The following FRAS1 variants were observed in gnomAD, a reference collection of about 807,000 sequenced individuals.
FRAS1 encodes Fraser extracellular matrix complex subunit 1.
A neutral mutation model predicts 435.2 loss-of-function variants in FRAS1; 290 were observed. The observed-to-expected ratio is 0.67, with a 90% CI of 0.61 to 0.73. The LOEUF (loss-of-function observed/expected upper bound fraction) is 0.73, where lower values mean the gene tolerates loss of function less well. Among genes scored for constraint, FRAS1 ranks in the 30% least tolerant of loss-of-function variants. The pLI is 0.00. For synonymous variants in FRAS1, 1,800 were observed against 1,851.0 expected, an observed-to-expected ratio of 0.97 and a Z score of 0.71; for missense variants, 4,860 against 5,001.5, an observed-to-expected ratio of 0.97 and a Z score of 0.85.
intron 14 of FRAS1, among the ~76,000 whole-genome samples, chr4:78,307,760 T>C (rs10434011): frequency 0.31 from 46,943 of 152,110 alleles, 7,538 homozygotes; most frequent in East Asian, 0.38. Flanking sequence ...CTGTCTGGCA[T>C]TCCTTAGTGA....
intron 2 of FRAS1, among the ~76,000 whole-genome samples, chr4:78,217,060 C>G (rs1468508436): frequency 6.7e-6 from 1 of 148,936 alleles, no homozygotes; most frequent in Non-Finnish European, 1.5e-5. Flanking sequence ...GAAACAGAAC[C>G]AATAAAAGAT....
intron 18 of FRAS1, among the ~76,000 whole-genome samples, chr4:78,322,344 A>G (rs1387818869): frequency 6.6e-6 from 1 of 152,192 alleles, no homozygotes; most frequent in Non-Finnish European, 1.5e-5. Flanking sequence ...GCCTCTCTGC[A>G]GAATGTTAAA....
intron 2 of FRAS1, among the ~76,000 whole-genome samples, chr4:78,108,786 C>G (rs1301902704): frequency 1.8e-5 from 2 of 113,022 alleles, no homozygotes; most frequent in African/African-American, 3.7e-5. Flanking sequence ...ACAAAAAACC[C>G]TTCAAAAAAT....
chr4:78,061,547 AT>A (rs1301266357), intron 1 of FRAS1, among the ~76,000 whole-genome samples: 1 of 152,148 alleles, frequency 6.6e-6, no homozygotes, highest in East Asian at 1.9e-4. Flanking sequence ...TATAAATGCT[AT>A]TTAACAGGTT....
chr4:78,253,281 C>T (rs1440841943), intron 5 of FRAS1, among the ~76,000 whole-genome samples: 3 of 152,178 alleles, frequency 2.0e-5, no homozygotes, highest in Non-Finnish European at 4.4e-5. Context: ...CCCTTATTCC[C>T]TGATTATCTT....
At chr4:78,140,030 T>C (rs1720092264) in intron 2 of FRAS1, among the ~76,000 whole-genome samples, 1 of 152,192 alleles carries the variant, frequency 6.6e-6, no homozygotes. Flanking sequence ...CTTTTTATTA[T>C]GGGAAATTTC....
intron 2 of FRAS1, among the ~76,000 whole-genome samples, chr4:78,204,191 G>A (rs181126420): frequency 6.6e-6 from 1 of 152,316 alleles, no homozygotes; most frequent in East Asian, 1.9e-4. Flanking sequence ...AAAATGTTGT[G>A]ATCAGAGGCT....
At chr4:78,468,897 G>A (rs185078627) in intron 50 of FRAS1, among the ~76,000 whole-genome samples, 374 of 152,214 alleles carry the variant, frequency 2.5e-3, no homozygotes, top group Non-Finnish European at 4.3e-3. Flanking sequence ...TGACACTGAA[G>A]GATTATTTTC....
chr4:78,373,259 A>G (rs1731585831), intron 24 of FRAS1, among the ~76,000 whole-genome samples: 1 of 151,972 alleles, frequency 6.6e-6, no homozygotes, highest in Admixed American at 6.6e-5. Context: ...CATATAGCTC[A>G]CAATCATCTG....
At chr4:78,060,006 G>A (rs1298030071) in intron 1 of FRAS1, among the ~76,000 whole-genome samples, 1 of 152,096 alleles carries the variant, frequency 6.6e-6, no homozygotes, top group African/African-American at 2.4e-5. Context: ...TCACAAATTG[G>A]ATTGATAAAT....
intron 36 of FRAS1, 76 bp from the exon 37 acceptor site, chr4:78,430,216 C>T: frequency 6.3e-7 from 1 of 1,576,188 alleles, no homozygotes; most frequent in Non-Finnish European, 8.7e-7. Context: ...CTAGCCTGGC[C>T]TGCGGTTTTA....
chr4:78,130,770 G>C (rs765690244), intron 2 of FRAS1, among the ~76,000 whole-genome samples: 1 of 152,176 alleles, frequency 6.6e-6, no homozygotes, highest in Non-Finnish European at 1.5e-5. Flanking sequence ...GGAACTAAGA[G>C]TTGAAAGGTA....
At chr4:78,219,324 C>A (rs932269542) in intron 2 of FRAS1, among the ~76,000 whole-genome samples, 1 of 152,062 alleles carries the variant, frequency 6.6e-6, no homozygotes, top group Admixed American at 6.5e-5. Context: ...TATTTCACAC[C>A]AAAGACCTAT....
At chr4:78,188,333 T>A (rs1722376922) in intron 2 of FRAS1, among the ~76,000 whole-genome samples, 1 of 150,772 alleles carries the variant, frequency 6.6e-6, no homozygotes, top group African/African-American at 2.5e-5. Context: ...TATCTATCTA[T>A]ATTTAGGTTG....
intron 2 of FRAS1, among the ~76,000 whole-genome samples, chr4:78,081,177 G>T (rs780577715): frequency 1.3e-5 from 2 of 152,074 alleles, no homozygotes; most frequent in Non-Finnish European, 2.9e-5. Flanking sequence ...GCAACAACAG[G>T]TTCCCTGAGA....
At chr4:78,436,628 G>A (rs6816851) in intron 38 of FRAS1, among the ~76,000 whole-genome samples, 105,964 of 151,910 alleles carry the variant, frequency 0.7, 37,213 homozygotes, top group Non-Finnish European at 0.74. Flanking sequence ...CGAACCTAAA[G>A]ACAGATGAAT....
chr4:78,235,635 G>A (rs1473499824), intron 2 of FRAS1, among the ~76,000 whole-genome samples: 3 of 152,188 alleles, frequency 2.0e-5, no homozygotes, highest in Non-Finnish European at 4.4e-5. Flanking sequence ...AAGGCTAACA[G>A]GAATATAAAT....
At chr4:78,386,250 A>C (rs1182370035) in intron 28 of FRAS1, among the ~76,000 whole-genome samples, 1 of 152,110 alleles carries the variant, frequency 6.6e-6, no homozygotes, top group Non-Finnish European at 1.5e-5. Flanking sequence ...CATTCCTTTA[A>C]ATTTCTGTGA....
intron 2 of FRAS1, 62 bp from the exon 3 acceptor site, chr4:78,237,448 G>A: frequency 8.6e-7 from 1 of 1,167,886 alleles, no homozygotes; most frequent in Non-Finnish European, 1.3e-6. Flanking sequence ...TGATGGTGCA[G>A]CTTTTGTGTG....
Sources: allele counts gnomAD v4.1 joint callset (sites outside exome capture counted in the v4.1 genomes callset), GRCh38; gene constraint gnomAD v4.1.1; transcripts MANE v1.5; gene names NCBI Gene and HGNC (gene_info 2026-07-23, HGNC 2026-07-21).